Variants in GRM8 observed in about 807,000 individuals in gnomAD.
GRM8 encodes the protein glutamate metabotropic receptor 8, also known as metabotropic glutamate receptor 8.
In GRM8, 47 loss-of-function variants were observed where a neutral mutation model predicts 87.2. The ratio of observed to expected loss-of-function variants is 0.54; its 90% CI spans 0.43 to 0.69. The LOEUF (loss-of-function observed/expected upper bound fraction) is 0.69, where lower values mean the gene tolerates loss of function less well. Among genes scored for constraint, GRM8 ranks in the 30% least tolerant of loss-of-function variants. The pLI is 0.00. For missense variants in GRM8, 1,019 were observed against 1,139.2 expected, an observed-to-expected ratio of 0.89 and a Z score of 1.52; for synonymous variants, 396 against 404.5, an observed-to-expected ratio of 0.98 and a Z score of 0.25.
intron 6 of GRM8, among the ~76,000 whole-genome samples, chr7:126,777,721 A>G (rs1819631075): frequency 1.3e-5 from 2 of 152,178 alleles, no homozygotes; most frequent in African/African-American, 2.4e-5. Flanking sequence ...AAATGCCAAT[A>G]CTTATATTGA....
At chr7:127,135,251 A>C (rs908414314) in intron 2 of GRM8, among the ~76,000 whole-genome samples, 18 of 152,146 alleles carry the variant, frequency 1.2e-4, no homozygotes, top group African/African-American at 4.3e-4. Flanking sequence ...TGTGAAATCT[A>C]AGAATGCCCA....
intron 6 of GRM8, among the ~76,000 whole-genome samples, chr7:126,805,815 A>G (rs1228262906): frequency 6.6e-6 from 1 of 152,130 alleles, no homozygotes; most frequent in Non-Finnish European, 1.5e-5. Context: ...TTATCATTAG[A>G]ATGAGAATCC....
intron 7 of GRM8, among the ~76,000 whole-genome samples, chr7:126,650,100 C>A: frequency 6.6e-6 from 1 of 152,182 alleles, no homozygotes; most frequent in East Asian, 1.9e-4. Flanking sequence ...ACCACGTCTG[C>A]CTATCACTTG....
intron 7 of GRM8, among the ~76,000 whole-genome samples, chr7:126,717,899 G>T (rs1338020294): frequency 6.6e-6 from 1 of 152,116 alleles, no homozygotes; most frequent in East Asian, 1.9e-4. Context: ...TAAGTACATA[G>T]TTAGATAGGT....
intron 9 of GRM8, among the ~76,000 whole-genome samples, chr7:126,504,635 G>A (rs555054266): frequency 2.3e-3 from 345 of 151,926 alleles, no homozygotes; most frequent in Non-Finnish European, 4.0e-3. Flanking sequence ...CTGCACATGT[G>A]CCCCTGAACC....
At chr7:126,727,460 C>G (rs979610874) in intron 7 of GRM8, among the ~76,000 whole-genome samples, 3 of 151,974 alleles carry the variant, frequency 2.0e-5, no homozygotes, top group Admixed American at 6.6e-5. Flanking sequence ...CAATGAAGAT[C>G]TTAACAACTC....
intron 9 of GRM8, among the ~76,000 whole-genome samples, chr7:126,489,219 T>C (rs1807717540): frequency 6.6e-6 from 1 of 151,504 alleles, no homozygotes; most frequent in Non-Finnish European, 1.5e-5. Context: ...AAATGACGTA[T>C]TTTATGAGAA....
At chr7:126,932,453 T>C (rs1027126579) in intron 3 of GRM8, among the ~76,000 whole-genome samples, 1 of 152,034 alleles carries the variant, frequency 6.6e-6, no homozygotes, top group Non-Finnish European at 1.5e-5. Context: ...ATTACCACAG[T>C]ATTAGTTATT....
At chr7:126,530,511 G>A (rs980401921) in intron 9 of GRM8, among the ~76,000 whole-genome samples, 2 of 152,232 alleles carry the variant, frequency 1.3e-5, no homozygotes, top group African/African-American at 4.8e-5. Flanking sequence ...AGGAGGCTCA[G>A]GGAAGCCGAC....
At chr7:126,981,302 TCTC>T (rs1811502133) in intron 3 of GRM8, 1 of 152,252 alleles carries the variant, frequency 6.6e-6, no homozygotes, top group South Asian at 2.1e-4. Flanking sequence ...CAACAAGTCT[TCTC>T]CTATGCCATT....
At chr7:126,696,191 T>C (rs966377696) in intron 7 of GRM8, among the ~76,000 whole-genome samples, 1 of 152,140 alleles carries the variant, frequency 6.6e-6, no homozygotes, top group Non-Finnish European at 1.5e-5. Flanking sequence ...TGGAATTGGA[T>C]GCAAAATTTA....
chr7:126,840,841 G>C (rs1456791858), intron 6 of GRM8, among the ~76,000 whole-genome samples: 1 of 152,196 alleles, frequency 6.6e-6, no homozygotes, highest in Non-Finnish European at 1.5e-5. Flanking sequence ...AAAGAGGTTA[G>C]AGCTTGTTTT....
chr7:127,207,676 C>T (rs1795990002), intron 2 of GRM8, among the ~76,000 whole-genome samples: 1 of 152,106 alleles, frequency 6.6e-6, no homozygotes, highest in African/African-American at 2.4e-5. Flanking sequence ...CCAGAGAAAC[C>T]TTAGAAACTG....
At chr7:126,961,282 T>C (rs967878667) in intron 3 of GRM8, among the ~76,000 whole-genome samples, 3 of 152,224 alleles carry the variant, frequency 2.0e-5, no homozygotes, top group African/African-American at 7.2e-5. Context: ...CTGCATTTCA[T>C]TGATCAAAGG....
chr7:126,985,453 A>G (rs1811961447), intron 3 of GRM8, among the ~76,000 whole-genome samples: 1 of 152,242 alleles, frequency 6.6e-6, no homozygotes, highest in Non-Finnish European at 1.5e-5. Context: ...AAGATCTGAG[A>G]AGCAAAATTA....
At chr7:127,142,280 T>C (rs1037437894) in intron 2 of GRM8, among the ~76,000 whole-genome samples, 1 of 152,098 alleles carries the variant, frequency 6.6e-6, no homozygotes, top group African/African-American at 2.4e-5. Context: ...ACCCAGCTTA[T>C]ACTAATTGAC....
intron 6 of GRM8, among the ~76,000 whole-genome samples, chr7:126,864,034 C>CTT (rs35544185): frequency 0.057 from 6,693 of 117,824 alleles, 612 homozygotes; most frequent in African/African-American, 0.12. Flanking sequence ...CTATGTGTGG[C>CTT]TTTTTTTTTT....
chr7:126,481,356 ATATT>A (rs893681772), intron 9 of GRM8, among the ~76,000 whole-genome samples: 2 of 152,112 alleles, frequency 1.3e-5, no homozygotes, highest in African/African-American at 4.8e-5. Flanking sequence ...CTCCAAATAA[ATATT>A]TATCAATTAC....
chr7:127,241,576 A>G (rs907553474), intron 2 of GRM8, among the ~76,000 whole-genome samples: 1 of 151,848 alleles, frequency 6.6e-6, no homozygotes, highest in Non-Finnish European at 1.5e-5. Flanking sequence ...TGGGACTACA[A>G]GCGTGTGCCA....
Sources: allele counts gnomAD v4.1 joint callset (sites outside exome capture counted in the v4.1 genomes callset), GRCh38; gene constraint gnomAD v4.1.1; transcripts MANE v1.5; gene names NCBI Gene and HGNC (gene_info 2026-07-23, HGNC 2026-07-21).